The following DGKB variants were observed in gnomAD, a reference collection of about 807,000 sequenced individuals.
DGKB encodes diacylglycerol kinase beta, also known as 90 kDa diacylglycerol kinase.
DGKB carries 67 observed loss-of-function variants against 114.3 expected under a neutral mutation model. That is an observed-to-expected ratio of 0.59 (90% CI 0.48 to 0.72). The LOEUF (loss-of-function observed/expected upper bound fraction) is 0.72, where lower values mean the gene tolerates loss of function less well. Among genes scored for constraint, DGKB ranks in the 30% least tolerant of loss-of-function variants. DGKB has a pLI of 0.00. For synonymous variants in DGKB, 398 were observed against 323.1 expected, an observed-to-expected ratio of 1.23 and a Z score of -2.49; for missense variants, 907 against 975.2, an observed-to-expected ratio of 0.93 and a Z score of 0.93.
At position 14,370,955 on chromosome 7, in the gene DGKB, T is replaced by G. The variant is rs1334250197; in HGVS notation, c.1836-25564A>C. Among the ~76,000 whole-genome samples, 4 of 152,190 alleles carry G rather than the reference T, an allele frequency of 2.6e-5. No individual in the cohort carries two copies. The East Asian group carries it at 5.8e-4, about 22-fold the overall frequency. ...TCCTCAGTTAATTTAGTTAGGACAA[T>G]GACCTCCAGCTACATATATATTGCT... On this transcript the variant is annotated intron_variant, in intron 21 of 25. Transcript: ENST00000402815.
chr7:14,606,808 T>G (rs534780961), intron 17 of DGKB, among the ~76,000 whole-genome samples: 44 of 152,078 alleles, frequency 2.9e-4, no homozygotes, highest in Non-Finnish European at 5.4e-4. Context: ...TTTATTTTAC[T>G]AGATCTTACC....
intron 2 of DGKB, among the ~76,000 whole-genome samples, chr7:14,802,340 G>A (rs1396778056): frequency 6.6e-6 from 1 of 151,886 alleles, no homozygotes; most frequent in Non-Finnish European, 1.5e-5. Context: ...TCATTTTTCT[G>A]GAAATGTCCA....
At chr7:14,401,491 T>C (rs565717588) in intron 21 of DGKB, among the ~76,000 whole-genome samples, 1 of 152,026 alleles carries the variant, frequency 6.6e-6, no homozygotes, top group African/African-American at 2.4e-5. Flanking sequence ...CTATATCCCA[T>C]TAACACTGTG....
intron 20 of DGKB, among the ~76,000 whole-genome samples, chr7:14,513,515 C>G (rs1343773170): frequency 6.6e-6 from 1 of 151,954 alleles, no homozygotes; most frequent in African/African-American, 2.4e-5. Flanking sequence ...ATTCTGGGAG[C>G]AATTAGCACT....
chr7:14,219,242 C>T (rs558494794), intron 23 of DGKB, among the ~76,000 whole-genome samples: 18 of 151,836 alleles, frequency 1.2e-4, no homozygotes, highest in Non-Finnish European at 2.1e-4. Context: ...AATGTACAGG[C>T]TTTCTGTAGA....
intron 4 of DGKB, among the ~76,000 whole-genome samples, chr7:14,747,775 G>GCGCGCGCACACACACA: frequency 0.01 from 1,532 of 149,272 alleles, 32 homozygotes; most frequent in African/African-American, 0.037. Flanking sequence ...ACATCCACGC[G>GCGCGCGCACACACACA]CACGCACACA....
At chr7:14,513,304 T>G (rs1788261343) in intron 20 of DGKB, among the ~76,000 whole-genome samples, 1 of 152,040 alleles carries the variant, frequency 6.6e-6, no homozygotes. Flanking sequence ...CTTTTTTTAA[T>G]CCATATGGGA....
rs10623353 is a variant in DGKB at position 14,656,751 on chromosome 7, T to TACACACACACACAC, written c.1134+16177_1134+16178insGTGTGTGTGTGTGT. ...ATATATACAGTATATATATAGGATA[T>TACACACACACACAC]ATACACACACACACACACACATATC... On this transcript the variant is annotated intron_variant, in intron 13 of 25. Coordinates refer to ENST00000402815, the MANE Select transcript of DGKB (RefSeq NM_001350709.2). Among the ~76,000 whole-genome samples, 345 of 127,698 alleles carry TACACACACACACAC rather than the reference T, an allele frequency of 2.7e-3. 1 individual carries two copies. The highest frequency in any genetic ancestry group is 0.012 in the African/African-American group (326 of 28,198). The allele number at this position is 127,698 out of a possible 152,430, so 83.8% of individuals were successfully genotyped here. A position where few individuals can be genotyped will look rare whatever the true frequency, so the allele number is the denominator to read the frequency against.
chr7:14,869,882 A>G (rs1852205310), intron 1 of DGKB, among the ~76,000 whole-genome samples: 1 of 152,204 alleles, frequency 6.6e-6, no homozygotes, highest in African/African-American at 2.4e-5. Context: ...TGCTCATGCT[A>G]TACCAGATCT....
chr7:14,810,493 T>A (rs145016435), intron 2 of DGKB, among the ~76,000 whole-genome samples: 60 of 152,334 alleles, frequency 3.9e-4, no homozygotes, highest in African/African-American at 1.3e-3. Context: ...AAACATAATA[T>A]TAATTTTAAT....
At chr7:14,542,896 T>C (rs969883793) in intron 20 of DGKB, among the ~76,000 whole-genome samples, 9 of 152,304 alleles carry the variant, frequency 5.9e-5, no homozygotes, top group African/African-American at 2.2e-4. Flanking sequence ...CAGGGAGTGT[T>C]GCTTCAGCTG....
chr7:14,938,244 A>C (rs968462028), intron 1 of DGKB, among the ~76,000 whole-genome samples: 1 of 152,184 alleles, frequency 6.6e-6, no homozygotes. Flanking sequence ...AAAAATGTGC[A>C]TATGTTGCCT....
intron 15 of DGKB, among the ~76,000 whole-genome samples, chr7:14,618,556 G>C (rs1042176536): frequency 6.6e-6 from 1 of 151,466 alleles, no homozygotes. Flanking sequence ...CTCTTGCATG[G>C]TAAGAAGTCG....
At chr7:14,680,998 G>T (rs1488614704) in intron 12 of DGKB, among the ~76,000 whole-genome samples, 3 of 151,802 alleles carry the variant, frequency 2.0e-5, no homozygotes, top group African/African-American at 7.2e-5. Flanking sequence ...TCTAATCTCA[G>T]CTTATGTTAA....
At chr7:14,821,829 G>C (rs1268799544) in intron 2 of DGKB, among the ~76,000 whole-genome samples, 1 of 152,196 alleles carries the variant, frequency 6.6e-6, no homozygotes, top group Non-Finnish European at 1.5e-5. Flanking sequence ...AGAAGACCAA[G>C]AAGGAGGATC....
Position 14,366,732 on chromosome 7 carries a change from C to T in DGKB, c.1836-21341G>A, listed in dbSNP as rs139413617. Reference sequence around the variant, plus strand: ...TATGGCATCTAATATTATAATTAGGCATGTTTTTAAAGAAAAATTAATATT... The same window carrying T: ...TATGGCATCTAATATTATAATTAGGTATGTTTTTAAAGAAAAATTAATATT... On this transcript the variant is annotated intron_variant, in intron 21 of 25. Transcript: ENST00000402815. Among the ~76,000 whole-genome samples the T allele has an allele frequency of 5.3e-5, 8 of 152,076 alleles. No homozygotes were observed. In the East Asian group the frequency reaches 1.5e-3, roughly 29 times the overall value.
At chr7:14,617,787 T>C (rs1234711465) in intron 15 of DGKB, among the ~76,000 whole-genome samples, 1 of 151,586 alleles carries the variant, frequency 6.6e-6, no homozygotes, top group Non-Finnish European at 1.5e-5. Flanking sequence ...GGGTTGTCCA[T>C]TCCCCATATA....
intron 17 of DGKB, among the ~76,000 whole-genome samples, chr7:14,590,650 T>C (rs563132698): frequency 2.0e-5 from 3 of 152,252 alleles, no homozygotes; most frequent in Admixed American, 1.3e-4. Context: ...TAGAAACTCA[T>C]TCATTCCTTA....
At chr7:14,678,814 G>A (rs1164568376) in intron 12 of DGKB, among the ~76,000 whole-genome samples, 2 of 151,926 alleles carry the variant, frequency 1.3e-5, no homozygotes, top group East Asian at 3.9e-4. Flanking sequence ...TTGCACTAGG[G>A]CTGCGAATGT....
Sources: allele counts gnomAD v4.1 joint callset (sites outside exome capture counted in the v4.1 genomes callset), GRCh38; gene constraint gnomAD v4.1.1; transcripts MANE v1.5; gene names NCBI Gene and HGNC (gene_info 2026-07-23, HGNC 2026-07-21).